The following PSMA5 variants were observed in gnomAD, a reference collection of about 807,000 sequenced individuals.
PSMA5 encodes the protein proteasome 20S subunit alpha 5.
Under a neutral mutation model 34.5 loss-of-function variants are expected in PSMA5, and 3 were observed. That is an observed-to-expected ratio of 0.09 (90% CI 0.04 to 0.22). The LOEUF (loss-of-function observed/expected upper bound fraction) is 0.22, where lower values mean the gene tolerates loss of function less well. PSMA5 is among the 10% of genes least tolerant of loss of function. The probability of loss-of-function intolerance (pLI) is 1.00; values close to 1 mark genes in which losing one functional copy is unlikely to be tolerated. For missense variants in PSMA5, 120 were observed against 286.1 expected (o/e 0.42, Z 4.19); for synonymous variants, 88 against 95.8 (o/e 0.92, Z 0.47).
chr1:109,425,621 AGAAACT>A (rs893573087), intron 1 of PSMA5: 2 of 152,272 alleles, frequency 1.3e-5, no homozygotes, highest in Non-Finnish European at 2.9e-5. Context: ...TGACGAAAAC[AGAAACT>A]GAAAGTAAAA....
intron 8 of PSMA5, among the ~76,000 whole-genome samples, chr1:109,406,998 A>T (rs923473296): frequency 2.0e-5 from 3 of 152,260 alleles, no homozygotes; most frequent in East Asian, 3.9e-4. Context: ...ATATATATAT[A>T]TTTTGAGACA....
At chr1:109,416,553 C>G (rs1180253626) in intron 2 of PSMA5, among the ~76,000 whole-genome samples, 1 of 152,202 alleles carries the variant, frequency 6.6e-6, no homozygotes, top group South Asian at 2.1e-4. Flanking sequence ...GTTATTTCTA[C>G]AAAGTAATCA....
At chr1:109,410,059 TCCGTC>T (rs749078678) in intron 7 of PSMA5, 45 bp from the exon 8 acceptor site, 1 of 1,235,954 alleles carries the variant, frequency 8.1e-7, no homozygotes, top group Non-Finnish European at 1.2e-6. Flanking sequence ...TTATGCACAA[TCCGTC>T]CTTCCTTCAA....
At chr1:109,423,045 G>A (rs1353409286) in intron 1 of PSMA5, among the ~76,000 whole-genome samples, 1 of 152,204 alleles carries the variant, frequency 6.6e-6, no homozygotes, top group Non-Finnish European at 1.5e-5. Flanking sequence ...TAAAAGCTTT[G>A]AGCACACAAT....
intron 2 of PSMA5, among the ~76,000 whole-genome samples, chr1:109,419,805 A>AC (rs1181924616): frequency 2.5e-5 from 2 of 80,904 alleles, no homozygotes; most frequent in Non-Finnish European, 5.8e-5. Flanking sequence ...TCTCAAAAAA[A>AC]AAAAAAAAAA....
intron 3 of PSMA5, 107 bp from the exon 4 acceptor site, chr1:109,413,242 CTATCCCATGGCATTTTA>C: frequency 1.0e-6 from 1 of 994,770 alleles, no homozygotes; most frequent in Non-Finnish European, 1.6e-6. Flanking sequence ...AGCCATTCAG[CTATCCCATGGCATTTTA>C]TACCCAAAAG....
intron 5 of PSMA5, 41 bp from the exon 6 acceptor site, chr1:109,411,976 AAAGTAAGG>A: frequency 6.3e-7 from 1 of 1,594,260 alleles, no homozygotes; most frequent in Non-Finnish European, 8.6e-7. Context: ...AAATGGCTAT[AAAGTAAGG>A]AGGTGAGAGG....
intron 2 of PSMA5, 59 bp from the exon 3 acceptor site, chr1:109,415,422 A>C: frequency 4.6e-6 from 7 of 1,521,330 alleles, no homozygotes; most frequent in African/African-American, 1.4e-5. Context: ...TTACATACTC[A>C]CCAGATAGCT....
In PSMA5 at chr1:109,414,637, T is replaced by A. The variant is rs1654122180; in HGVS notation, c.223+600A>T. On this transcript the variant is annotated intron_variant, in intron 3 of 8. Transcript: ENST00000271308. ...TCTTAAAAGATAAAATTTCAGTTTCTATATCTATGAAAGACATAATATCAA... is the reference window on the plus strand; with the variant it reads ...TCTTAAAAGATAAAATTTCAGTTTCAATATCTATGAAAGACATAATATCAA... Among the ~76,000 whole-genome samples, 3 of 152,230 alleles carry A rather than the reference T, an allele frequency of 2.0e-5. No homozygotes were observed. The South Asian group carries it at 6.2e-4, about 32-fold the overall frequency.
At chr1:109,413,291 A>G (rs927239648) in intron 3 of PSMA5, among the ~76,000 whole-genome samples, 156 bp from the exon 4 acceptor site, 23 of 152,356 alleles carry the variant, frequency 1.5e-4, no homozygotes, top group African/African-American at 5.3e-4. Flanking sequence ...AATGATCTGC[A>G]CTGAACCCAA....
At chr1:109,409,607 A>C (rs1299964746) in intron 8 of PSMA5, among the ~76,000 whole-genome samples, 2 of 152,226 alleles carry the variant, frequency 1.3e-5, no homozygotes, top group Middle Eastern at 3.2e-3. Flanking sequence ...GCCAGCTATG[A>C]TATCTGAATA....
At chr1:109,406,608 G>C (rs1186183931) in intron 8 of PSMA5, among the ~76,000 whole-genome samples, 2 of 152,084 alleles carry the variant, frequency 1.3e-5, no homozygotes, top group African/African-American at 2.4e-5. Flanking sequence ...TGGGGTGGGA[G>C]GACTACTTGA....
intron 8 of PSMA5, among the ~76,000 whole-genome samples, chr1:109,409,480 T>C (rs1028137757): frequency 2.0e-5 from 3 of 152,248 alleles, no homozygotes; most frequent in Admixed American, 1.3e-4. Flanking sequence ...CACTGAATTC[T>C]GGCTTCTGCC....
chr1:109,406,911 G>GA (rs1653782557), intron 8 of PSMA5, among the ~76,000 whole-genome samples: 1 of 152,112 alleles, frequency 6.6e-6, no homozygotes, highest in Admixed American at 6.5e-5. Flanking sequence ...AAAGTTCATT[G>GA]AAAGTAAGGA....
chr1:109,402,187 C>A, intron 8 of PSMA5, 97 bp from the exon 9 acceptor site: 1 of 828,182 alleles, frequency 1.2e-6, no homozygotes, highest in Non-Finnish European at 1.9e-6. Flanking sequence ...TGCAGCTATT[C>A]ATTAGGAACT....
chr1:109,408,568 T>TA (rs1272359369), intron 8 of PSMA5, among the ~76,000 whole-genome samples: 1 of 152,262 alleles, frequency 6.6e-6, no homozygotes, highest in Non-Finnish European at 1.5e-5. Context: ...ACCTGCTATA[T>TA]AATGGGTACT....
At chr1:109,426,207 G>C in intron 1 of PSMA5, 95 bp downstream of exon 1, 1 of 1,527,998 alleles carries the variant, frequency 6.5e-7, no homozygotes, top group Non-Finnish European at 9.1e-7. Context: ...CGGGTTCCTG[G>C]GGAGCCCCAT....
intron 8 of PSMA5, among the ~76,000 whole-genome samples, chr1:109,404,554 A>G (rs1386109363): frequency 1.3e-5 from 2 of 152,192 alleles, no homozygotes; most frequent in African/African-American, 4.8e-5. Context: ...GCAAATCAAT[A>G]CTATTAATAA....
chr1:109,402,150 C>T (rs780904590), intron 8 of PSMA5, 60 bp from the exon 9 acceptor site: 12 of 1,272,708 alleles, frequency 9.4e-6, no homozygotes, highest in Non-Finnish European at 1.1e-5. Flanking sequence ...ATGGCCCTAC[C>T]ATGGTCAGGA....
Sources: gnomAD v4.1 joint callset for allele counts (sites outside exome capture counted in the v4.1 genomes callset) on GRCh38, gnomAD v4.1.1 for gene constraint, MANE v1.5 for transcripts, NCBI Gene and HGNC (gene_info 2026-07-23, HGNC 2026-07-21) for gene names.